Variants in VPS13D observed in about 807,000 individuals in gnomAD.
The protein encoded by VPS13D is intermembrane lipid transfer protein VPS13D.
VPS13D carries 187 observed loss-of-function variants against 461.9 expected under a neutral mutation model. That is an observed-to-expected ratio of 0.40 (90% CI 0.36 to 0.46). The LOEUF is 0.46. VPS13D is among the 20% of genes least tolerant of loss of function. The pLI is 0.60. For synonymous variants in VPS13D, 1,951 were observed against 1,986.3 expected, an observed-to-expected ratio of 0.98 and a Z score of 0.47; for missense variants, 4,711 against 5,364.9, an observed-to-expected ratio of 0.88 and a Z score of 3.81.
intron 60 of VPS13D, among the ~76,000 whole-genome samples, chr1:12,389,334 T>C (rs558374617): frequency 2.0e-5 from 3 of 152,316 alleles, no homozygotes; most frequent in African/African-American, 7.2e-5. Context: ...CCAATCAAGT[T>C]GACACTCAGT....
intron 37 of VPS13D, among the ~76,000 whole-genome samples, chr1:12,330,630 C>T (rs540956872): frequency 2.0e-5 from 3 of 152,148 alleles, no homozygotes; most frequent in East Asian, 3.9e-4. Flanking sequence ...TGCAGTGGCA[C>T]GATCTCGGCT....
intron 18 of VPS13D, among the ~76,000 whole-genome samples, chr1:12,274,966 C>T (rs1641564288): frequency 6.6e-6 from 1 of 151,824 alleles, no homozygotes; most frequent in Admixed American, 6.6e-5. Context: ...CGCCTGTAAT[C>T]CCAGCACTTA....
At chr1:12,480,929 G>A (rs1227326875) in intron 67 of VPS13D, among the ~76,000 whole-genome samples, 1 of 152,176 alleles carries the variant, frequency 6.6e-6, no homozygotes, top group African/African-American at 2.4e-5. Context: ...CCTGCCTTCT[G>A]TGTGACTCAC....
intron 37 of VPS13D, among the ~76,000 whole-genome samples, chr1:12,330,742 A>G (rs1643309083): frequency 1.3e-5 from 2 of 151,700 alleles, no homozygotes. Context: ...AATTTTTTGT[A>G]TTTTTAGTAG....
In VPS13D at chr1:12,391,930, G is replaced by A. The variant is rs77271920; in HGVS notation, c.11634+5596G>A. 8.1e-3 allele frequency among the ~76,000 whole-genome samples: 1,224 copies of A among 151,842 alleles called. 18 individuals are homozygous for A. Among genetic ancestry groups the A allele is most frequent in the African/African-American group, 0.028 (1,178 of 41,368 alleles). ...GGCTGGAGTGCAGTGGTCCTCCCTC[G>A]GGTCACTGCAACCTCCTCCTCCTGG... is the stretch of plus-strand genomic sequence containing the variant. On this transcript the variant is annotated intron_variant, in intron 60 of 69. Transcript: ENST00000620676.
At position 12,356,011 on chromosome 1, in the gene VPS13D, C is replaced by A. The variant is rs1309183491; in HGVS notation, c.9792C>A (p.Leu3264=). The A allele has an allele frequency of 6.2e-7, 1 of 1,614,176 alleles. No individual in the cohort carries two copies. The highest frequency in any genetic ancestry group is 1.7e-5 in the Admixed American group (1 of 60,030). The stretch of plus-strand genomic sequence containing the variant: ...ACGTCAACCGTCGGCAGCTGAACCT[C>A]ACCATCCGGATTGTGTGTCGAGCAG... ...LYDVNRRQLN[L]TIRIVCRAEG... The change falls in exon 48 of 70, where the codon CTC becomes CTA. Residue 3264 remains leucine (L), a synonymous_variant. Coordinates refer to ENST00000620676, the MANE Select transcript of VPS13D (RefSeq NM_015378.4).
intron 60 of VPS13D, among the ~76,000 whole-genome samples, chr1:12,399,431 G>A (rs181881074): frequency 1.5e-3 from 231 of 151,704 alleles, no homozygotes; most frequent in African/African-American, 5.4e-3. Flanking sequence ...TCCTGACCTC[G>A]TGATCCGCCT....
rs181972752 is a variant in VPS13D, at chr1:12,358,278, A to G, written c.9999-181A>G. Among the ~76,000 whole-genome samples the G allele has an allele frequency of 1.2e-4, 18 of 152,348 alleles. No individual in the cohort carries two copies. The East Asian group carries it at 3.5e-3, about 29-fold the overall frequency. ...CTGTTGTACTGTGGCTGCCTCTAAG[A>G]TACAGCTTTAACCACTGATGAATTT... On this transcript the variant is annotated intron_variant, in intron 49 of 69. Transcript: ENST00000620676.
intron 5 of VPS13D, among the ~76,000 whole-genome samples, chr1:12,245,796 A>G (rs2101215964): frequency 6.6e-6 from 1 of 152,366 alleles, no homozygotes; most frequent in East Asian, 1.9e-4. Flanking sequence ...AGCCCCTGTC[A>G]ATCACTAATC....
intron 2 of VPS13D, among the ~76,000 whole-genome samples, chr1:12,240,101 T>C (rs1308414190): frequency 2.0e-5 from 3 of 152,142 alleles, no homozygotes; most frequent in African/African-American, 7.2e-5. Flanking sequence ...TTTGGCTTGG[T>C]GTAGGCTGTT....
intron 24 of VPS13D, among the ~76,000 whole-genome samples, chr1:12,296,688 A>C (rs1467353068): frequency 6.6e-6 from 1 of 152,158 alleles, no homozygotes; most frequent in Non-Finnish European, 1.5e-5. Context: ...TTATGTTTAC[A>C]GTATTGATTC....
chr1:12,242,784 G>C (rs148961190), intron 3 of VPS13D, among the ~76,000 whole-genome samples, 194 bp downstream of exon 3: 3 of 152,258 alleles, frequency 2.0e-5, no homozygotes, highest in African/African-American at 4.8e-5. Flanking sequence ...TGGTGGGGAG[G>C]TCAGGTGATA....
intron 17 of VPS13D, among the ~76,000 whole-genome samples, chr1:12,272,791 T>A (rs1641490759): frequency 1.3e-5 from 2 of 152,022 alleles, no homozygotes; most frequent in Middle Eastern, 3.4e-3. Flanking sequence ...TTATTTGCTA[T>A]TTTTTTTCTC....
intron 42 of VPS13D, among the ~76,000 whole-genome samples, chr1:12,344,301 T>G (rs1216326187): frequency 6.6e-6 from 1 of 152,208 alleles, no homozygotes; most frequent in Non-Finnish European, 1.5e-5. Context: ...TTCCTGAGTG[T>G]AAACTTGCTC....
rs371301455 is a variant in VPS13D at position 12,352,428 on chromosome 1, C to T, written c.9432-1546C>T. On this transcript the variant is annotated intron_variant, in intron 46 of 69. Coordinates refer to ENST00000620676, the MANE Select transcript of VPS13D (RefSeq NM_015378.4). ...ATAATAAAAAGAATAGACAAAAGAA[C>T]GGACAATTTACAGAAGAAAATACCC... 2.6e-4 allele frequency among the ~76,000 whole-genome samples: 40 copies of T among 152,150 alleles called. 3 individuals are homozygous for T. Among genetic ancestry groups the T allele is most frequent in the Admixed American group, 2.1e-3 (32 of 15,282 alleles).
intron 39 of VPS13D, chr1:12,336,076 C>T: frequency 2.3e-6 from 1 of 430,350 alleles, no homozygotes; most frequent in Non-Finnish European, 4.2e-6. Context: ...ATTCCTAAAT[C>T]CTGGTAATAA....
chr1:12,392,945 G>A (rs1178330631), intron 60 of VPS13D, among the ~76,000 whole-genome samples: 1 of 152,196 alleles, frequency 6.6e-6, no homozygotes, highest in African/African-American at 2.4e-5. Flanking sequence ...ATGGGCCGGA[G>A]TAATACACCC....
chr1:12,255,064 G>A (rs1301248542), intron 7 of VPS13D, among the ~76,000 whole-genome samples: 1 of 151,878 alleles, frequency 6.6e-6, no homozygotes, highest in Non-Finnish European at 1.5e-5. Flanking sequence ...TCCTGCCTCA[G>A]CCTCCTGAGT....
At chr1:12,429,475 T>C (rs928571580) in intron 65 of VPS13D, among the ~76,000 whole-genome samples, 3 of 152,138 alleles carry the variant, frequency 2.0e-5, no homozygotes, top group Non-Finnish European at 4.4e-5. Context: ...ACAGTTTTAG[T>C]AGAGATGGGG....
Sources: gnomAD v4.1 joint callset for allele counts (sites outside exome capture counted in the v4.1 genomes callset) on GRCh38, gnomAD v4.1.1 for gene constraint, MANE v1.5 for transcripts, NCBI Gene and HGNC (gene_info 2026-07-23, HGNC 2026-07-21) for gene names.